The following LNX2 variants were observed in gnomAD, a reference collection of about 807,000 sequenced individuals.
LNX2 encodes the protein ligand of Numb protein X 2.
Under a neutral mutation model 66.2 loss-of-function variants are expected in LNX2, and 35 were observed. The ratio of observed to expected loss-of-function variants is 0.53; its 90% CI spans 0.40 to 0.70. The LOEUF is 0.70. Ranked by LOEUF, LNX2 falls within the 30% of genes least tolerant of loss-of-function variation. The pLI, the probability that LNX2 is intolerant of heterozygous loss-of-function variation, is 0.00. For synonymous variants in LNX2, 337 were observed against 315.6 expected (o/e 1.07, Z -0.72); for missense variants, 791 against 850.8 (o/e 0.93, Z 0.87).
intron 1 of LNX2, among the ~76,000 whole-genome samples, chr13:27,588,818 C>A (rs1955520430): frequency 6.6e-6 from 1 of 151,944 alleles, no homozygotes; most frequent in Admixed American, 6.6e-5. Context: ...AAAAAACAAA[C>A]CCAGTAGATT....
rs1955109024 is a variant in LNX2 at position 27,559,893 on chromosome 13, G to A, written c.1317C>T (p.Ser439=). Residue 439 remains serine (S), a synonymous_variant, in exon 6 of 10, where the codon AGC becomes AGT. Transcript: ENST00000316334. Reference sequence around the variant, plus strand: ...ACGGTGGTGGTGTGTGGTGCTGGCTGCTGCTGCTATGATTTCCTGCTTCTC... The same window carrying A: ...ACGGTGGTGGTGTGTGGTGCTGGCTACTGCTGCTATGATTTCCTGCTTCTC... ...TIREAGNHSS[S]SQHHTPPPYY... is the part of the protein sequence containing the mutation. 4.3e-6 allele frequency: 7 copies of A among 1,611,074 alleles called. No individual in the cohort carries two copies. The highest frequency in any genetic ancestry group is 4.2e-6 in the Non-Finnish European group (5 of 1,178,044).
intron 1 of LNX2, among the ~76,000 whole-genome samples, chr13:27,582,317 G>A (rs769878744): frequency 3.3e-5 from 5 of 152,044 alleles, no homozygotes; most frequent in African/African-American, 9.7e-5. Flanking sequence ...GTGAGCCACC[G>A]TGCCTGGCTC....
At chr13:27,582,976 C>G (rs970717909) in intron 1 of LNX2, among the ~76,000 whole-genome samples, 1 of 152,082 alleles carries the variant, frequency 6.6e-6, no homozygotes, top group Admixed American at 6.6e-5. Context: ...ATATGTCACA[C>G]AGATTATAGA....
rs1341266541 is a variant in LNX2 at position 27,546,344 on chromosome 13, C to G, written c.*1991G>C. On this transcript the variant is annotated 3_prime_UTR_variant, in exon 10 of 10. Transcript: ENST00000316334. Reference sequence around the variant, plus strand: ...TTTAAAAAAATAGCAAAGTTGGTTACAAAATTCTATTTGGGGAGCAGGGAA... The same window carrying G: ...TTTAAAAAAATAGCAAAGTTGGTTAGAAAATTCTATTTGGGGAGCAGGGAA... 6.6e-6 allele frequency: 1 copy of G among 152,120 alleles called. No homozygotes were observed. Among genetic ancestry groups the G allele is most frequent in the Non-Finnish European group, 1.5e-5 (1 of 68,000 alleles). 9.4% of individuals were successfully genotyped at this position (152,120 alleles called of 1,614,324 possible). A position where few individuals can be genotyped will look rare whatever the true frequency, so the allele number is the denominator to read the frequency against.
chr13:27,583,256 G>GCA (rs1955439642), intron 1 of LNX2, among the ~76,000 whole-genome samples: 4 of 46,532 alleles, frequency 8.6e-5, no homozygotes, highest in South Asian at 9.0e-4. Flanking sequence ...GTGTGTGTGT[G>GCA]CGCGCGTCCT....
At chr13:27,599,161 A>G (rs1955629245) in intron 1 of LNX2, among the ~76,000 whole-genome samples, 1 of 152,192 alleles carries the variant, frequency 6.6e-6, no homozygotes, top group Non-Finnish European at 1.5e-5. Context: ...TGAGCTGCCT[A>G]TCAATCTCTC....
chr13:27,578,123 T>C (rs1261460744), intron 2 of LNX2, among the ~76,000 whole-genome samples: 1 of 152,190 alleles, frequency 6.6e-6, no homozygotes, highest in Non-Finnish European at 1.5e-5. Context: ...TCTTCTCAAA[T>C]CAAAACACAT....
At chr13:27,571,765 AG>A (rs1237986749) in intron 2 of LNX2, among the ~76,000 whole-genome samples, 1 of 152,212 alleles carries the variant, frequency 6.6e-6, no homozygotes. Flanking sequence ...GGCAGATAAA[AG>A]CTCATGAATA....
In LNX2 at chr13:27,603,460, AC is replaced by A. The variant is rs1955679903; in HGVS notation, c.-101+16914del. Among the ~76,000 whole-genome samples the A allele has an allele frequency of 2.0e-5, 3 of 152,206 alleles. No individual in the cohort carries two copies. The South Asian group carries it at 6.2e-4, about 31-fold the overall frequency. On this transcript the variant is annotated intron_variant, in intron 1 of 9. Transcript: ENST00000316334. ...TAAAAGCAGCACAACTGTCCCAGAA[AC>A]AAGCAAATCACTCTTGGATATATTA...
chr13:27,619,777 G>A (rs1955872234), intron 1 of LNX2, among the ~76,000 whole-genome samples: 2 of 152,208 alleles, frequency 1.3e-5, no homozygotes, highest in African/African-American at 4.8e-5. Context: ...CCTGAATGAT[G>A]CTTTGTGTGC....
In LNX2 at chr13:27,567,765, G is replaced by T; in HGVS notation, c.730C>A (p.Gln244Lys). The change falls in exon 4 of 10, where the codon CAG becomes AAG. Residue 244 changes from glutamine (Q) to lysine (K), a missense_variant. Transcript: ENST00000316334. ...IEIHRSNPYI[Q>K]LGISIVGGNE... ...CCACCCACAATGCTGATTCCTAACT[G>T]AATGTAAGGATTGGACCGATGAATT... The T allele has an allele frequency of 6.2e-7, 1 of 1,613,734 alleles. No homozygotes were observed. Among genetic ancestry groups the T allele is most frequent in the South Asian group, 1.1e-5 (1 of 91,040 alleles).
intron 3 of LNX2, among the ~76,000 whole-genome samples, chr13:27,568,462 A>C (rs1955232936): frequency 6.6e-6 from 1 of 152,194 alleles, no homozygotes; most frequent in Admixed American, 6.5e-5. Context: ...GGCTGGTACC[A>C]GAGGTGTATA....
intron 1 of LNX2, among the ~76,000 whole-genome samples, chr13:27,583,216 G>GCCCTCTCCAATATAACTT (rs1242468549): frequency 4.5e-4 from 8 of 17,726 alleles, no homozygotes; most frequent in Non-Finnish European, 7.5e-4. Context: ...GTGTGTGTGT[G>GCCCTCTCCAATATAACTT]TGTGTGTGTG....
chr13:27,562,523 C>A lies in LNX2; in HGVS notation c.1114G>T (p.Gly372Trp), dbSNP rs143349167. ...CTGCCGTCCTGGGCAGCCAACCCCCCTTCCAACAGGTCAAGAATAAAAACC... is the reference window on the plus strand; with the variant it reads ...CTGCCGTCCTGGGCAGCCAACCCCCATTCCAACAGGTCAAGAATAAAAACC... ...PGVFILDLLEGGLAAQDGRLS... is the reference protein window; with the variant it reads ...PGVFILDLLEWGLAAQDGRLS... The change falls in exon 5 of 10, where the codon GGG becomes TGG. Residue 372 changes from glycine (G) to tryptophan (W), a missense_variant. Transcript: ENST00000316334. 3.2e-5 allele frequency: 52 copies of A among 1,614,058 alleles called. No homozygotes were observed. The highest frequency in any genetic ancestry group is 5.5e-5 in the South Asian group (5 of 91,088).
chr13:27,564,974 C>T (rs377177402), intron 4 of LNX2, among the ~76,000 whole-genome samples: 3 of 152,088 alleles, frequency 2.0e-5, no homozygotes, highest in East Asian at 3.9e-4. Context: ...ATAGGAGAGA[C>T]CCTTTGTGAA....
chr13:27,570,639 T>C (rs1022495739), intron 2 of LNX2, among the ~76,000 whole-genome samples: 1 of 152,226 alleles, frequency 6.6e-6, no homozygotes, highest in Admixed American at 6.5e-5. Flanking sequence ...AAATTACTTT[T>C]GTCAAGTAAG....
rs566261787 is a variant in LNX2 at position 27,600,380 on chromosome 13, C to T, written c.-100-18577G>A. ...ATGGGTACAGATATTCCAATGGGGA[C>T]GAAAAGCATGCATATCAGGAGTAAG... is the stretch of plus-strand genomic sequence containing the variant. On this transcript the variant is annotated intron_variant, in intron 1 of 9. Coordinates refer to ENST00000316334, the MANE Select transcript of LNX2 (RefSeq NM_153371.4). Among the ~76,000 whole-genome samples, 3 of 152,104 alleles carry T rather than the reference C, an allele frequency of 2.0e-5. No homozygotes were observed. The South Asian group carries it at 6.2e-4, about 32-fold the overall frequency.
chr13:27,594,555 A>T (rs1377047565), intron 1 of LNX2, among the ~76,000 whole-genome samples: 2 of 152,034 alleles, frequency 1.3e-5, no homozygotes, highest in Non-Finnish European at 1.5e-5. Context: ...GTATAATAAA[A>T]TTTTTTTTAT....
At chr13:27,591,153 T>G (rs1376726657) in intron 1 of LNX2, among the ~76,000 whole-genome samples, 1 of 152,242 alleles carries the variant, frequency 6.6e-6, no homozygotes, top group East Asian at 1.9e-4. Flanking sequence ...TTGGCCTTGA[T>G]GTTTACACAG....
Sources: gnomAD v4.1 joint callset for allele counts (sites outside exome capture counted in the v4.1 genomes callset) on GRCh38, gnomAD v4.1.1 for gene constraint, MANE v1.5 for transcripts, NCBI Gene and HGNC (gene_info 2026-07-23, HGNC 2026-07-21) for gene names.